Variants in GALNS observed in about 807,000 individuals in gnomAD.
GALNS encodes the protein N-acetylgalactosamine-6-sulfatase.
GALNS carries 65 observed loss-of-function variants against 65.9 expected under a neutral mutation model. That is an observed-to-expected ratio of 0.99 (90% CI 0.81 to 1.21). The LOEUF (loss-of-function observed/expected upper bound fraction) is 1.21. GALNS is among the 50% of genes most tolerant of loss of function. The pLI is 0.00. For missense variants in GALNS, 776 were observed against 700.7 expected (o/e 1.11, Z -1.21); for synonymous variants, 346 against 288.9 (o/e 1.20, Z -2.00).
At chr16:88,832,634 C>T (rs1251889390) in intron 8 of GALNS, among the ~76,000 whole-genome samples, 3 of 152,224 alleles carry the variant, frequency 2.0e-5, no homozygotes, top group African/African-American at 7.2e-5. Flanking sequence ...GTGACTACAC[C>T]ATCCCTGGCT....
chr16:88,824,322 A>G (rs1910571535), intron 11 of GALNS, among the ~76,000 whole-genome samples: 1 of 152,002 alleles, frequency 6.6e-6, no homozygotes, highest in Non-Finnish European at 1.5e-5. Flanking sequence ...CAGGAGCCCC[A>G]GGCCCTGTGC....
At chr16:88,848,168 G>A (rs942330545) in intron 1 of GALNS, among the ~76,000 whole-genome samples, 4 of 152,222 alleles carry the variant, frequency 2.6e-5, no homozygotes, top group Non-Finnish European at 5.9e-5. Flanking sequence ...GGAGCGGGTC[G>A]GCCAGGGGCT....
In GALNS at chr16:88,842,047, A is replaced by C. The variant is rs113232687; in HGVS notation, c.245-76T>G. On this transcript the variant is annotated intron_variant, in intron 2 of 13. Coordinates refer to ENST00000268695, the MANE Select transcript of GALNS (RefSeq NM_000512.5). ...ACCCCGGGCGTCAACAAGAGCCCCA[A>C]CGAGTAGACAGACGCGTGACAGACG... 14 of 1,286,402 alleles carry C rather than the reference A, an allele frequency of 1.1e-5. No homozygotes were observed. In the African/African-American group the frequency reaches 1.2e-4, roughly 11 times the overall value. 79.7% of individuals were successfully genotyped at this position (1,286,402 alleles called of 1,614,324 possible).
intron 1 of GALNS, among the ~76,000 whole-genome samples, chr16:88,848,006 C>G (rs935662489): frequency 6.6e-6 from 1 of 152,224 alleles, no homozygotes; most frequent in African/African-American, 2.4e-5. Flanking sequence ...TGGACCATGA[C>G]TCAGCCACGA....
intron 9 of GALNS, among the ~76,000 whole-genome samples, chr16:88,828,656 C>G (rs1037168711): frequency 6.6e-6 from 1 of 152,232 alleles, no homozygotes; most frequent in Non-Finnish European, 1.5e-5. Flanking sequence ...GGTTTCCCTT[C>G]TTCAGGGAGC....
chr16:88,854,290 G>A (rs1267734955), intron 1 of GALNS, among the ~76,000 whole-genome samples: 1 of 152,224 alleles, frequency 6.6e-6, no homozygotes, highest in Non-Finnish European at 1.5e-5. Flanking sequence ...GCAGGAAGAG[G>A]TGTGGACAGG....
chr16:88,815,559 T>G (rs778867988), intron 13 of GALNS: 2 of 985,380 alleles, frequency 2.0e-6, no homozygotes, highest in Non-Finnish European at 2.4e-6. Flanking sequence ...GGGAGACTTA[T>G]GCCGCTAAGA....
chr16:88,856,667 C>A (rs1468710270), intron 1 of GALNS, 91 bp downstream of exon 1: 2 of 419,208 alleles, frequency 4.8e-6, no homozygotes, highest in African/African-American at 2.3e-5. Flanking sequence ...CCCCACCCCG[C>A]CCGCCCTTCC....
Position 88,814,328 on chromosome 16 carries a change from T to G in GALNS, c.*111A>C. ...AGTCCCCCTGCGTCTGCAGGTGCTG[T>G]CTGTCTGGCTTGGGCAGGGTTGGGG... On this transcript the variant is annotated 3_prime_UTR_variant, in exon 14 of 14. Coordinates refer to ENST00000268695, the MANE Select transcript of GALNS (RefSeq NM_000512.5). 2.8e-6 allele frequency: 4 copies of G among 1,405,644 alleles called. No homozygotes were observed. Among genetic ancestry groups the G allele is most frequent in the South Asian group, 2.5e-5 (2 of 80,894 alleles). 87.1% of individuals were successfully genotyped at this position (1,405,644 alleles called of 1,614,324 possible). A position where few individuals can be genotyped will look rare whatever the true frequency, so the allele number is the denominator to read the frequency against.
Position 88,814,512 on chromosome 16 carries a change from G to A in GALNS, c.1496C>T (p.Pro499Leu), listed in dbSNP as rs542835085. The A allele has an allele frequency of 1.1e-5, 17 of 1,557,654 alleles. No homozygotes were observed. The highest frequency in any genetic ancestry group is 8.1e-5 in the African/African-American group (6 of 73,688). The stretch of plus-strand genomic sequence containing the variant: ...ACACTTCCCTAACTTTTCACAGCCC[G>A]GAGGTGCCCAGTTCTGGGAAATGAA... Reference protein sequence around the residue: ...CNWAVMNWAPPGCEKLGKCLT... With the variant: ...CNWAVMNWAPLGCEKLGKCLT... Residue 499 changes from proline (P) to leucine (L), a missense_variant, in exon 14 of 14, where the codon CCG becomes CTG. By Grantham distance (98) the Pro-to-Leu change is moderately conservative. Coordinates refer to ENST00000268695, the MANE Select transcript of GALNS (RefSeq NM_000512.5).
intron 4 of GALNS, among the ~76,000 whole-genome samples, chr16:88,839,974 C>T (rs917426676): frequency 2.6e-5 from 4 of 152,222 alleles, no homozygotes; most frequent in South Asian, 4.1e-4. Flanking sequence ...AGTACTCACG[C>T]GCTCCAGTGG....
At chr16:88,842,578 C>A in intron 2 of GALNS, 128 bp downstream of exon 2, 1 of 1,205,470 alleles carries the variant, frequency 8.3e-7, no homozygotes, top group South Asian at 1.4e-5. Context: ...GCCCACCTGC[C>A]ACCCTCCCTG....
Position 88,856,887 on chromosome 16 carries a change from G to A in GALNS, c.-10C>T, listed in dbSNP as rs781533703. ...CGACAACCGCCGCCATGGCAACCACGGGAGCCGCGGAGCCCCGGCCAGCGA... is the reference window on the plus strand; with the variant it reads ...CGACAACCGCCGCCATGGCAACCACAGGAGCCGCGGAGCCCCGGCCAGCGA... On this transcript the variant is annotated 5_prime_UTR_variant, in exon 1 of 14. Transcript: ENST00000268695. 12 of 1,504,914 alleles carry A rather than the reference G, an allele frequency of 8.0e-6. No homozygotes were observed. In the African/African-American group the frequency reaches 1.2e-4, roughly 15 times the overall value. The allele number at this position is 1,504,914 out of a possible 1,614,324, so 93.2% of individuals were successfully genotyped here.
chr16:88,856,577 G>A lies in GALNS; in HGVS notation c.120+181C>T, dbSNP rs1463557159. Reference sequence around the variant, plus strand: ...GAGGGGCCTCCCCCTCCCCGCACGGGGATACCCCCCGTCCCCTCCCCCTCC... The same window carrying A: ...GAGGGGCCTCCCCCTCCCCGCACGGAGATACCCCCCGTCCCCTCCCCCTCC... On this transcript the variant is annotated intron_variant, in intron 1 of 13. Transcript: ENST00000268695. 25 of 570,526 alleles carry A rather than the reference G, an allele frequency of 4.4e-5. No homozygotes were observed. The African/African-American group carries it at 5.1e-4, about 12-fold the overall frequency. The allele number at this position is 570,526 out of a possible 1,614,324, so 35.3% of individuals were successfully genotyped here.
chr16:88,855,071 C>A, intron 1 of GALNS: 1 of 415,290 alleles, frequency 2.4e-6, no homozygotes, highest in African/African-American at 2.1e-5. Context: ...TAGGGTGAGT[C>A]CACATGCAAT....
rs763263800 is a variant in GALNS, at chr16:88,818,079, C to G, written c.1410G>C (p.Ser470=). Residue 470 remains serine (S), a synonymous_variant, in exon 13 of 14, where the codon TCG becomes TCC. Coordinates refer to ENST00000268695, the MANE Select transcript of GALNS (RefSeq NM_000512.5). The part of the protein sequence containing the change: ...EYQEALSRIT[S]VVQQHQEALV... Reference sequence around the variant, plus strand: ...AGGCCTCCTGGTGCTGCTGGACGACCGAGGTGATCCTGCTGAGGGCCTCCT... The same window carrying G: ...AGGCCTCCTGGTGCTGCTGGACGACGGAGGTGATCCTGCTGAGGGCCTCCT... 35 of 1,574,016 alleles carry G rather than the reference C, an allele frequency of 2.2e-5. No individual in the cohort carries two copies. Among genetic ancestry groups the G allele is most frequent in the Non-Finnish European group, 3.0e-5 (35 of 1,165,924 alleles).
intron 8 of GALNS, among the ~76,000 whole-genome samples, chr16:88,834,264 C>T (rs1446534402): frequency 2.0e-5 from 3 of 152,196 alleles, no homozygotes; most frequent in Non-Finnish European, 4.4e-5. Context: ...CCCCAATCCC[C>T]GCAGCACACT....
chr16:88,833,890 T>G (rs1013552694), intron 8 of GALNS, among the ~76,000 whole-genome samples: 5 of 152,232 alleles, frequency 3.3e-5, no homozygotes, highest in African/African-American at 9.6e-5. Context: ...TATGAAACAT[T>G]CCATCATTTA....
At position 88,814,391 on chromosome 16, in the gene GALNS, T is replaced by C. The variant is rs1320799278; in HGVS notation, c.*48A>G. 3 of 1,549,452 alleles carry C rather than the reference T, an allele frequency of 1.9e-6. No individual in the cohort carries two copies. The highest frequency in any genetic ancestry group is 2.6e-6 in the Non-Finnish European group (3 of 1,146,848). ...CAGAGCCATCCTTCCTCCAGGCACT[T>C]GCAGGGCCAACCGGAGATTCTAGGC... is the stretch of plus-strand genomic sequence containing the variant. On this transcript the variant is annotated 3_prime_UTR_variant, in exon 14 of 14. Coordinates refer to ENST00000268695, the MANE Select transcript of GALNS (RefSeq NM_000512.5).
Sources: gnomAD v4.1 joint callset for allele counts (sites outside exome capture counted in the v4.1 genomes callset) on GRCh38, gnomAD v4.1.1 for gene constraint, MANE v1.5 for transcripts, NCBI Gene and HGNC (gene_info 2026-07-23, HGNC 2026-07-21) for gene names.